Variants in EXOC7 observed in about 807,000 individuals in gnomAD.
EXOC7 encodes exocyst complex component 7.
Under a neutral mutation model 87.6 loss-of-function variants are expected in EXOC7, and 51 were observed. The observed-to-expected ratio is 0.58, with a 90% CI of 0.46 to 0.73. The LOEUF (loss-of-function observed/expected upper bound fraction) is 0.73, where lower values mean the gene tolerates loss of function less well. EXOC7 is among the 30% of genes least tolerant of loss of function. The pLI is 0.00. For missense variants in EXOC7, 744 were observed against 888.4 expected (o/e 0.84, Z 2.07); for synonymous variants, 327 against 357.1 (o/e 0.92, Z 0.95).
In EXOC7 at chr17:76,082,239, T is replaced by C. The variant is rs1598285352; in HGVS notation, c.*1409A>G. 4 of 818,610 alleles carry C rather than the reference T, an allele frequency of 4.9e-6. No individual in the cohort carries two copies. In the East Asian group the frequency reaches 1.1e-4, roughly 22 times the overall value. The allele number at this position is 818,610 out of a possible 1,614,324, so 50.7% of individuals were successfully genotyped here. On this transcript the variant is annotated 3_prime_UTR_variant, in exon 19 of 19. Coordinates refer to ENST00000589210, the MANE Select transcript of EXOC7 (RefSeq NM_001013839.4). ...GGGCAGGGAGCAAGCTGAGCCTCCC[T>C]GAAGTCCCAGGTGACCTCAATCCCC...
rs1195971828 is a variant in EXOC7 at position 76,081,545 on chromosome 17, C to A, written c.*2103G>T. On this transcript the variant is annotated 3_prime_UTR_variant, in exon 19 of 19. Transcript: ENST00000589210. ...AAGGCCCTGACTTTTCCCCTTCCAG[C>A]TGAGGCTGAAGAACACGGCGCTCAA... is the stretch of plus-strand genomic sequence containing the variant. 2 of 1,613,202 alleles carry A rather than the reference C, an allele frequency of 1.2e-6. No individual in the cohort carries two copies. Among genetic ancestry groups the A allele is most frequent in the East Asian group, 2.2e-5 (1 of 44,900 alleles).
At chr17:76,088,023 T>C in intron 11 of EXOC7, 37 bp downstream of exon 11, 1 of 1,612,244 alleles carries the variant, frequency 6.2e-7, no homozygotes, top group East Asian at 2.2e-5. Flanking sequence ...GGGCCCTCCT[T>C]CCTCCCCTCT....
chr17:76,094,216 T>C (rs1392460107), intron 6 of EXOC7, 198 bp downstream of exon 6: 5 of 549,508 alleles, frequency 9.1e-6, no homozygotes, highest in Middle Eastern at 4.8e-4. Flanking sequence ...CTCTGCTAGC[T>C]GGAAGGAAGA....
At chr17:76,090,268 T>C in intron 7 of EXOC7, 1 of 1,526,190 alleles carries the variant, frequency 6.6e-7, no homozygotes, top group South Asian at 1.2e-5. Context: ...GAGCAGGCCA[T>C]CCGGGGACCG....
At position 76,088,090 on chromosome 17, in the gene EXOC7, C is replaced by G; in HGVS notation, c.1332G>C (p.Lys444Asn). The change falls in exon 11 of 19, where the codon AAG (lysine) becomes AAC (asparagine). Residue 444 changes from lysine (K) to asparagine (N), a missense_variant. Around this residue, in one of 3 missense-constraint regions of EXOC7, gnomAD observed 4 missense variants for 16.9 expected, o/e 0.24. Transcript: ENST00000589210. ...NDPDKEYNMP[K>N]DGTVHELTSN... ...TGGTGAGCTCGTGTACGGTGCCGTC[C>G]TTCGGCATGTTGTACTCCTTGTCCG... The G allele has an allele frequency of 1.9e-6, 3 of 1,614,014 alleles. No homozygotes were observed. Among genetic ancestry groups the G allele is most frequent in the Non-Finnish European group, 2.5e-6 (3 of 1,179,970 alleles).
chr17:76,082,057 G>A lies in EXOC7; in HGVS notation c.*1591C>T, dbSNP rs1213198472. ...GGCCTCATCCTGCTGAAGGTGGGCA[G>A]GGGCTGGGGGGTAAGGAATGAGGCC... On this transcript the variant is annotated 3_prime_UTR_variant, in exon 19 of 19. Coordinates refer to ENST00000589210, the MANE Select transcript of EXOC7 (RefSeq NM_001013839.4). 7 of 1,596,284 alleles carry A rather than the reference G, an allele frequency of 4.4e-6. No individual in the cohort carries two copies. The highest frequency in any genetic ancestry group is 4.3e-6 in the Non-Finnish European group (5 of 1,172,640).
chr17:76,085,288 G>A (rs759559566), intron 15 of EXOC7, 26 bp downstream of exon 15: 41 of 1,557,006 alleles, frequency 2.6e-5, no homozygotes, highest in Non-Finnish European at 1.7e-5. Context: ...GGCCCATGCA[G>A]GAGCAGGGCG....
rs373029514 is a variant in EXOC7 at position 76,085,437 on chromosome 17, G to A, written c.1617-28C>T. Reference sequence around the variant, plus strand: ...GGGTCGGGGTAGGGGACAGAGGAGAGGAGGACAGGATTGGCTCCTCAGGCC... The same window carrying A: ...GGGTCGGGGTAGGGGACAGAGGAGAAGAGGACAGGATTGGCTCCTCAGGCC... On this transcript the variant is annotated intron_variant, in intron 14 of 18. Transcript: ENST00000589210. 3 of 1,592,292 alleles carry A rather than the reference G, an allele frequency of 1.9e-6. No individual in the cohort carries two copies. The African/African-American group carries it at 4.0e-5, about 21-fold the overall frequency.
chr17:76,088,463 C>T lies in EXOC7; in HGVS notation c.1299+1G>A, dbSNP rs766827382. The T allele has an allele frequency of 1.2e-6, 2 of 1,613,452 alleles. No individual in the cohort carries two copies. On this transcript the variant is annotated splice_donor_variant, in intron 10 of 18. Coordinates refer to ENST00000589210, the MANE Select transcript of EXOC7 (RefSeq NM_001013839.4). LOFTEE classifies it high-confidence loss of function. ...GGGAGAAAGGGGAGGACAGCAGGGACCTTGATGTTGTCTGCGAAGTCCTCC... is the reference window on the plus strand; with the variant it reads ...GGGAGAAAGGGGAGGACAGCAGGGATCTTGATGTTGTCTGCGAAGTCCTCC...
rs745966663 is a variant in EXOC7, at chr17:76,088,836, G to A, written c.1135C>T (p.Leu379Phe). 9 of 1,613,740 alleles carry A rather than the reference G, an allele frequency of 5.6e-6. No homozygotes were observed. Among genetic ancestry groups the A allele is most frequent in the Non-Finnish European group, 6.8e-6 (8 of 1,180,036 alleles). ...TGTCGCAGGATGGGGAAGACGGTGA[G>A]CACCGTGGAGAAGTCGTGTCGCACA... ...AIVRHDFSTV[L>F]TVFPILRHLK... Residue 379 changes from leucine (L) to phenylalanine (F), a missense_variant, in exon 9 of 19, where the codon CTC becomes TTC. Transcript: ENST00000589210.
intron 6 of EXOC7, 84 bp downstream of exon 6, chr17:76,094,330 G>T: frequency 6.9e-7 from 1 of 1,444,400 alleles, no homozygotes. Context: ...GGGGCCTGAC[G>T]CTGCGAACGC....
chr17:76,103,749 G>A lies in EXOC7; in HGVS notation c.-57C>T, dbSNP rs1370185753. 6.5e-7 allele frequency: 1 copy of A among 1,535,066 alleles called. No individual in the cohort carries two copies. The highest frequency in any genetic ancestry group is 8.8e-7 in the Non-Finnish European group (1 of 1,137,010). Reference sequence around the variant, plus strand: ...TATCTTTCCTCCGCGGGCCCACCGGGCCCCCGTCCCCGTCACACCCACTTC... The same window carrying A: ...TATCTTTCCTCCGCGGGCCCACCGGACCCCCGTCCCCGTCACACCCACTTC... On this transcript the variant is annotated 5_prime_UTR_variant, in exon 1 of 19. Coordinates refer to ENST00000589210, the MANE Select transcript of EXOC7 (RefSeq NM_001013839.4).
At chr17:76,084,620 C>CTGGCT (rs1173404477) in intron 15 of EXOC7, 40 bp from the exon 16 acceptor site, 1 of 1,589,236 alleles carries the variant, frequency 6.3e-7, no homozygotes, top group Non-Finnish European at 8.6e-7. Context: ...AGAGGGTGGC[C>CTGGCT]TGCCTCAGTG....
At position 76,103,443 on chromosome 17, in the gene EXOC7, G is replaced by A. The variant is rs372856719; in HGVS notation, c.61-17C>T. 3 of 1,591,476 alleles carry A rather than the reference G, an allele frequency of 1.9e-6. No individual in the cohort carries two copies. Among genetic ancestry groups the A allele is most frequent in the Admixed American group, 1.7e-5 (1 of 57,336 alleles). On this transcript the variant is annotated splice_polypyrimidine_tract_variant and intron_variant, in intron 1 of 18. Coordinates refer to ENST00000589210, the MANE Select transcript of EXOC7 (RefSeq NM_001013839.4). ...CTCCTCCTCCTGGGGGCAGGCAAGG[G>A]GAGGACATCACCAGAAACCAGAAGC...
At chr17:76,099,896 A>C (rs893443319) in intron 4 of EXOC7, among the ~76,000 whole-genome samples, 1 of 152,176 alleles carries the variant, frequency 6.6e-6, no homozygotes, top group African/African-American at 2.4e-5. Context: ...TGAGGACAGT[A>C]GTTTGAGACC....
chr17:76,088,561 C>A lies in EXOC7; in HGVS notation c.1202G>T (p.Gly401Val), dbSNP rs1260447075. The part of the protein sequence containing the change: ...TKPEFDQVLQ[G>V]TAASTKNKLP... ...CTTGTTCTTTGTGCTGGCAGCCGTG[C>A]CCTGAGGAAGCACAGGGGAGCCCCC... is the stretch of plus-strand genomic sequence containing the variant. Residue 401 changes from glycine (G) to valine (V), a missense_variant and splice_region_variant, in exon 10 of 19, where the codon GGC becomes GTC. Physicochemically the swap from Gly to Val is moderately radical, Grantham distance 109. Coordinates refer to ENST00000589210, the MANE Select transcript of EXOC7 (RefSeq NM_001013839.4). 1.9e-6 allele frequency: 3 copies of A among 1,612,950 alleles called. No individual in the cohort carries two copies. The highest frequency in any genetic ancestry group is 1.1e-5 in the South Asian group (1 of 90,890).
At position 76,090,442 on chromosome 17, in the gene EXOC7, G is replaced by C. The variant is rs1048524453; in HGVS notation, c.901+701C>G. The C allele has an allele frequency of 5.8e-6, 9 of 1,551,584 alleles. No homozygotes were observed. Among genetic ancestry groups the C allele is most frequent in the Non-Finnish European group, 7.8e-6 (9 of 1,146,980 alleles). On this transcript the variant is annotated intron_variant, in intron 7 of 18. Transcript: ENST00000589210. ...ACAAACACAAGCAGCGTTTATCCAG[G>C]GGCCAGGCAGGCCGCCCCTTGGGGT... is the stretch of plus-strand genomic sequence containing the variant.
chr17:76,090,552 C>A (rs2598451), intron 7 of EXOC7: 4 of 1,454,102 alleles, frequency 2.8e-6, no homozygotes, highest in African/African-American at 2.8e-5. Flanking sequence ...TGAGCCCCTC[C>A]TCTACCTCAA....
At chr17:76,096,447 G>C (rs1465552185) in intron 5 of EXOC7, among the ~76,000 whole-genome samples, 1 of 147,462 alleles carries the variant, frequency 6.8e-6, no homozygotes, top group South Asian at 2.2e-4. Flanking sequence ...AGGAGGCAGA[G>C]GTTGCGGTGA....
Sources: gnomAD v4.1 joint callset for allele counts (sites outside exome capture counted in the v4.1 genomes callset) on GRCh38, gnomAD v4.1.1 for gene constraint, gnomAD v4.1.1 regional missense constraint, MANE v1.5 for transcripts, NCBI Gene and HGNC (gene_info 2026-07-23, HGNC 2026-07-21) for gene names.